NAALADL2: variants seen among roughly 807,000 people sequenced by gnomAD.
NAALADL2 encodes the protein N-acetylated alpha-linked acidic dipeptidase like 2.
A neutral mutation model predicts 87.2 loss-of-function variants in NAALADL2; 76 were observed. The ratio of observed to expected loss-of-function variants is 0.87; its 90% CI spans 0.72 to 1.05. The LOEUF is 1.05. NAALADL2 is among the 50% of genes least tolerant of loss of function. The probability of loss-of-function intolerance (pLI) is 0.00; values close to 1 mark genes in which losing one functional copy is unlikely to be tolerated. For synonymous variants in NAALADL2, 354 were observed against 331.0 expected, an observed-to-expected ratio of 1.07 and a Z score of -0.75; for missense variants, 1,089 against 945.8, an observed-to-expected ratio of 1.15 and a Z score of -1.99.
intron 2 of NAALADL2, among the ~76,000 whole-genome samples, chr3:175,190,906 A>G (rs1426832501): frequency 6.9e-6 from 1 of 145,058 alleles, no homozygotes; most frequent in Admixed American, 7.1e-5. Context: ...TGAACCCGGG[A>G]GGCGGAGCTT....
At chr3:174,577,178 A>G (rs550634501) in intron 2 of NAALADL2, among the ~76,000 whole-genome samples, 1 of 152,260 alleles carries the variant, frequency 6.6e-6, no homozygotes, top group African/African-American at 2.4e-5. Context: ...CATTTGATGC[A>G]AACAATCTGA....
Position 174,767,868 on chromosome 3 carries a change from G to A in NAALADL2, c.-9+30122G>A, listed in dbSNP as rs115967096. 3.1e-3 allele frequency among the ~76,000 whole-genome samples: 467 copies of A among 152,288 alleles called. 2 individuals carry two copies. The highest frequency in any genetic ancestry group is 0.011 in the African/African-American group (447 of 41,562). On this transcript the variant is annotated intron_variant, in intron 3 of 3. Transcript: ENST00000434257. Reference sequence around the variant, plus strand: ...ATGAGCAAAGAATGCAAAGAGAGTTGTTCCATTGAATGCGAAGTACAAGAG... The same window carrying A: ...ATGAGCAAAGAATGCAAAGAGAGTTATTCCATTGAATGCGAAGTACAAGAG...
chr3:174,545,116 T>C (rs1401656816), intron 1 of NAALADL2, among the ~76,000 whole-genome samples: 1 of 152,130 alleles, frequency 6.6e-6, no homozygotes, highest in Non-Finnish European at 1.5e-5. Flanking sequence ...TGGGCTCAAA[T>C]GATCCTCGTG....
chr3:175,690,040 A>T (rs959129431), intron 11 of NAALADL2, among the ~76,000 whole-genome samples: 1 of 152,110 alleles, frequency 6.6e-6, no homozygotes, highest in African/African-American at 2.4e-5. Context: ...TATGCTTAGG[A>T]AGACAATTAG....
intron 2 of NAALADL2, among the ~76,000 whole-genome samples, chr3:174,705,293 A>G (rs966392168): frequency 1.3e-5 from 2 of 152,212 alleles, no homozygotes; most frequent in Non-Finnish European, 1.5e-5. Flanking sequence ...TACAAATACC[A>G]TACAGACAGT....
chr3:174,511,709 C>A (rs2108392026), intron 1 of NAALADL2, among the ~76,000 whole-genome samples: 1 of 150,252 alleles, frequency 6.7e-6, no homozygotes, highest in East Asian at 2.0e-4. Flanking sequence ...TTTCTCTTAT[C>A]TGTTTTTTTT....
intron 1 of NAALADL2, among the ~76,000 whole-genome samples, chr3:174,883,596 C>T (rs193075539): frequency 8.1e-4 from 123 of 152,256 alleles, no homozygotes; most frequent in African/African-American, 2.7e-3. Flanking sequence ...CAAGTGTATA[C>T]ATGCACAAAC....
intron 11 of NAALADL2, among the ~76,000 whole-genome samples, chr3:175,642,579 C>T (rs896142925): frequency 6.6e-6 from 1 of 151,452 alleles, no homozygotes; most frequent in African/African-American, 2.4e-5. Context: ...CGGCTCACTG[C>T]AAGCTCCACC....
intron 5 of NAALADL2, among the ~76,000 whole-genome samples, chr3:175,400,797 C>T (rs935559754): frequency 3.3e-5 from 5 of 151,974 alleles, no homozygotes; most frequent in Non-Finnish European, 7.4e-5. Flanking sequence ...TTCATCAATC[C>T]AGCATTATTT....
chr3:175,161,173 A>AT (rs1209898108), intron 2 of NAALADL2, among the ~76,000 whole-genome samples: 1 of 152,082 alleles, frequency 6.6e-6, no homozygotes, highest in Non-Finnish European at 1.5e-5. Flanking sequence ...TACAGTAATG[A>AT]TTTAGGCATC....
intron 10 of NAALADL2, among the ~76,000 whole-genome samples, chr3:175,608,419 C>A (rs114318451): frequency 6.6e-6 from 1 of 151,670 alleles, no homozygotes; most frequent in Non-Finnish European, 1.5e-5. Context: ...TTTATCTGCA[C>A]AATATGTTCC....
chr3:174,474,147 C>A (rs1717072770), intron 1 of NAALADL2, among the ~76,000 whole-genome samples: 1 of 152,026 alleles, frequency 6.6e-6, no homozygotes, highest in Admixed American at 6.6e-5. Context: ...ATATCAGAGG[C>A]CAATATAAAA....
chr3:174,608,297 G>T (rs1719361601), intron 2 of NAALADL2, among the ~76,000 whole-genome samples: 1 of 151,972 alleles, frequency 6.6e-6, no homozygotes. Flanking sequence ...GCTAGCAGAA[G>T]GTAAGAAATA....
intron 1 of NAALADL2, among the ~76,000 whole-genome samples, chr3:174,443,725 A>G (rs1329290188): frequency 6.6e-6 from 1 of 152,190 alleles, no homozygotes; most frequent in South Asian, 2.1e-4. Context: ...GTACGTCAGC[A>G]TTATGAGATG....
chr3:175,505,576 A>G (rs560748748), intron 9 of NAALADL2, among the ~76,000 whole-genome samples: 76 of 152,276 alleles, frequency 5.0e-4, no homozygotes, highest in African/African-American at 1.8e-3. Flanking sequence ...TGATTTATTT[A>G]GAAAGTAGAC....
chr3:175,080,123 G>C (rs1215112187), intron 1 of NAALADL2, among the ~76,000 whole-genome samples: 2 of 152,016 alleles, frequency 1.3e-5, no homozygotes, highest in Non-Finnish European at 2.9e-5. Context: ...CCGCCACGGC[G>C]CCCGGCTAAT....
intron 3 of NAALADL2, among the ~76,000 whole-genome samples, chr3:174,814,557 G>A (rs1397941030): frequency 6.6e-6 from 1 of 152,082 alleles, no homozygotes; most frequent in African/African-American, 2.4e-5. Context: ...TACCTTGTGT[G>A]TGATTTTTAA....
At chr3:174,846,994 G>A (rs1724696741) in intron 3 of NAALADL2, among the ~76,000 whole-genome samples, 4 of 152,184 alleles carry the variant, frequency 2.6e-5, no homozygotes, top group Non-Finnish European at 5.9e-5. Context: ...TTCAATGACA[G>A]TTAGGACACA....
At chr3:175,089,230 C>A (rs1341397410) in intron 1 of NAALADL2, among the ~76,000 whole-genome samples, 1 of 152,088 alleles carries the variant, frequency 6.6e-6, no homozygotes, top group Non-Finnish European at 1.5e-5. Context: ...ATCTGAGGAT[C>A]CACATAGGAC....
Sources: gnomAD v4.1 joint callset for allele counts (sites outside exome capture counted in the v4.1 genomes callset) on GRCh38, gnomAD v4.1.1 for gene constraint, MANE v1.5 for transcripts, NCBI Gene and HGNC (gene_info 2026-07-23, HGNC 2026-07-21) for gene names.